The following ZBTB48 variants were observed in gnomAD, a reference collection of about 807,000 sequenced individuals.
ZBTB48 encodes the protein zinc finger and BTB domain containing 48.
ZBTB48 carries 35 observed loss-of-function variants against 64.5 expected under a neutral mutation model. The observed-to-expected ratio is 0.54, with a 90% confidence interval of 0.41 to 0.72. The LOEUF (loss-of-function observed/expected upper bound fraction) is 0.72. ZBTB48 is among the 30% of genes least tolerant of loss of function. The pLI, the probability that ZBTB48 is intolerant of heterozygous loss-of-function variation, is 0.00. For synonymous variants in ZBTB48, 442 were observed against 356.7 expected (o/e 1.24, Z -2.70); for missense variants, 828 against 895.3 (o/e 0.92, Z 0.96).
intron 4 of ZBTB48, 58 bp downstream of exon 4, chr1:6,586,088 G>A (rs1266189335): frequency 9.0e-6 from 14 of 1,558,542 alleles, no homozygotes; most frequent in Admixed American, 3.3e-5. Flanking sequence ...CTCTGTCTTC[G>A]TGCCATCCGG....
intron 4 of ZBTB48, chr1:6,586,367 T>G: frequency 2.0e-6 from 1 of 498,964 alleles, no homozygotes; most frequent in Non-Finnish European, 3.6e-6. Flanking sequence ...GCAACCCCAC[T>G]GCTGGCTTCT....
At position 6,586,018 on chromosome 1, in the gene ZBTB48, C is replaced by A; in HGVS notation, c.1032C>A (p.Asn344Lys). Residue 344 changes from asparagine to lysine, a missense_variant, in exon 4 of 11, where the codon AAC (asparagine) becomes AAA (lysine). Coordinates refer to ENST00000377674, the MANE Select transcript of ZBTB48 (RefSeq NM_005341.4). ...LLEHEARNCM[N>K]RSEQVFTCSV... ...AGCATGAAGCCCGGAATTGCATGAA[C>A]CGCTCGGAACAGGTACTTGGGAGCT... The A allele has an allele frequency of 6.2e-7, 1 of 1,614,126 alleles. No individual in the cohort carries two copies. Among genetic ancestry groups the A allele is most frequent in the Non-Finnish European group, 8.5e-7 (1 of 1,179,970 alleles).
At position 6,588,965 on chromosome 1, in the gene ZBTB48, A is replaced by G. The variant is rs142731298; in HGVS notation, c.1820A>G (p.Asn607Ser). The G allele has an allele frequency of 1.0e-5, 16 of 1,603,894 alleles. No homozygotes were observed. In the Middle Eastern group the frequency reaches 5.0e-4, roughly 50 times the overall value. The part of the protein sequence containing the change: ...MEIHDRVENY[N>S]PRQRKLRNLI... ...ATCCACGACCGGGTAGAGAACTACA[A>G]CCCGCGGCAGCGCAAGCTCCGCAAC... is the stretch of plus-strand genomic sequence containing the variant. The change falls in exon 11 of 11, where the codon AAC (asparagine) becomes AGC (serine). Residue 607 changes from asparagine to serine, a missense_variant. Transcript: ENST00000377674.
intron 2 of ZBTB48, 82 bp from the exon 3 acceptor site, chr1:6,581,976 G>A (rs1015657163): frequency 2.5e-5 from 39 of 1,577,624 alleles, no homozygotes; most frequent in Non-Finnish European, 3.1e-5. Context: ...TGGGGCTTGG[G>A]ATGGAACTGG....
rs375046910 is a variant in ZBTB48, at chr1:6,588,910, C to T, written c.1771-6C>T. ...CCCAAAGTTCTGAGCTCACCCTCCC[C>T]GCCAGGCCCACCTGCGGAGGCACAT... On this transcript the variant is annotated splice_polypyrimidine_tract_variant and splice_region_variant and intron_variant, in intron 10 of 10. Coordinates refer to ENST00000377674, the MANE Select transcript of ZBTB48 (RefSeq NM_005341.4). 6.5e-5 allele frequency: 105 copies of T among 1,613,456 alleles called. No homozygotes were observed. Among genetic ancestry groups the T allele is most frequent in the South Asian group, 5.3e-4 (48 of 91,078 alleles).
At position 6,580,996 on chromosome 1, in the gene ZBTB48, G is replaced by A; in HGVS notation, c.387G>A (p.Gly129=). 6.2e-7 allele frequency: 1 copy of A among 1,613,538 alleles called. No homozygotes were observed. The highest frequency in any genetic ancestry group is 8.5e-7 in the Non-Finnish European group (1 of 1,180,024). Reference sequence around the variant, plus strand: ...GACAGGCAGCAGGTGGCCAGAGTGGGCTGGGGCCCCCTGCCTCCCAGAATG... The same window carrying A: ...GACAGGCAGCAGGTGGCCAGAGTGGACTGGGGCCCCCTGCCTCCCAGAATG... The part of the protein sequence containing the change: ...SVGQAAGGQS[G]LGPPASQNVN... The change falls in exon 2 of 11, where the codon GGG becomes GGA. Residue 129 remains glycine (G), a synonymous_variant. Transcript: ENST00000377674. The surrounding 1 kb of genome is among the most constrained non-coding windows in gnomAD (Gnocchi z 5.2).
chr1:6,589,103 C>T lies in ZBTB48; in HGVS notation c.1958C>T (p.Ser653Phe). 6.2e-7 allele frequency: 1 copy of T among 1,608,212 alleles called. No homozygotes were observed. The highest frequency in any genetic ancestry group is 2.2e-5 in the East Asian group (1 of 44,860). Residue 653 changes from serine (S) to phenylalanine (F), a missense_variant, in exon 11 of 11, where the codon TCC (serine) becomes TTC (phenylalanine). By Grantham distance (155) the Ser-to-Phe change is radical (BLOSUM62 -2). Transcript: ENST00000377674. Reference protein sequence around the residue: ...VESLAQGGLASQLPGQRLCAE... With the variant: ...VESLAQGGLAFQLPGQRLCAE... ...TCCCTGGCCCAGGGCGGCCTGGCCT[C>T]CCAGCTCCCCGGCCAGAGACTGTGT...
chr1:6,588,474 T>A (rs1278165731), intron 9 of ZBTB48, 32 bp downstream of exon 9: 1 of 1,479,958 alleles, frequency 6.8e-7, no homozygotes, highest in East Asian at 2.4e-5. Flanking sequence ...AGCCATTTCC[T>A]GCTCATCCGA....
rs900412856 is a variant in ZBTB48, at chr1:6,589,210, T to C, written c.2065T>C (p.Ter689GlnextTer?). Reference sequence around the variant, plus strand: ...TGCTGTCCCCGAGGACTGTGACACATAGCCCATTCTGGCCACCAGAGCCCA... The same window carrying C: ...TGCTGTCCCCGAGGACTGTGACACACAGCCCATTCTGGCCACCAGAGCCCA... ...TAAVPEDCDT[*>Q] Residue 689 changes from the stop codon to glutamine, a stop_lost, in exon 11 of 11, where the codon TAG (stop) becomes CAG (glutamine). Coordinates refer to ENST00000377674, the MANE Select transcript of ZBTB48 (RefSeq NM_005341.4). The C allele has an allele frequency of 1.3e-6, 2 of 1,505,332 alleles. No homozygotes were observed. Among genetic ancestry groups the C allele is most frequent in the Non-Finnish European group, 1.8e-6 (2 of 1,130,936 alleles). The allele number at this position is 1,505,332 out of a possible 1,614,324, so 93.2% of individuals were successfully genotyped here.
chr1:6,585,506 TC>T, intron 3 of ZBTB48: 1 of 198,424 alleles, frequency 5.0e-6, no homozygotes, highest in Non-Finnish European at 1.1e-5. Flanking sequence ...GATGGGCAGC[TC>T]CCCTGGCTAC....
intron 3 of ZBTB48, among the ~76,000 whole-genome samples, chr1:6,583,776 C>CTT (rs36102416): frequency 2.3e-5 from 2 of 85,856 alleles, no homozygotes; most frequent in Admixed American, 1.3e-4. Context: ...AATTGTTTTA[C>CTT]TTTTTTTTTT....
At position 6,580,525 on chromosome 1, in the gene ZBTB48, T is replaced by A; in HGVS notation, c.-69-16T>A. On this transcript the variant is annotated splice_polypyrimidine_tract_variant and intron_variant, in intron 1 of 10. Transcript: ENST00000377674. This position sits in a 1 kb window ranked among gnomAD's most constrained non-coding sequence, Gnocchi z 5.2. The stretch of plus-strand genomic sequence containing the variant: ...TGAGTAGAGGCCAACTTCCCGTTTC[T>A]CTCTCTTGACTCCAGGAGCTTTCTC... 1 of 1,420,540 alleles carries A rather than the reference T, an allele frequency of 7.0e-7. No homozygotes were observed. The highest frequency in any genetic ancestry group is 9.5e-7 in the Non-Finnish European group (1 of 1,047,652). 88.0% of individuals were successfully genotyped at this position (1,420,540 alleles called of 1,614,324 possible). A position where few individuals can be genotyped will look rare whatever the true frequency, so the allele number is the denominator to read the frequency against.
Position 6,584,443 on chromosome 1 carries a change from C to T in ZBTB48, c.933-1476C>T, listed in dbSNP as rs1321129663. On this transcript the variant is annotated intron_variant, in intron 3 of 10. Coordinates refer to ENST00000377674, the MANE Select transcript of ZBTB48 (RefSeq NM_005341.4). This position sits in a 1 kb window ranked among gnomAD's most constrained non-coding sequence, Gnocchi z 4.5. ...CCCAGTGGCATGCCTTCCAGTCCTGCCACTCCCAGCCAAGACATCACTAGT... is the reference window on the plus strand; with the variant it reads ...CCCAGTGGCATGCCTTCCAGTCCTGTCACTCCCAGCCAAGACATCACTAGT... Among the ~76,000 whole-genome samples, 1 of 152,170 alleles carries T rather than the reference C, an allele frequency of 6.6e-6. No individual in the cohort carries two copies.
intron 3 of ZBTB48, among the ~76,000 whole-genome samples, chr1:6,582,977 G>A (rs1360702340): frequency 6.9e-6 from 1 of 144,408 alleles, no homozygotes; most frequent in Non-Finnish European, 1.5e-5. Flanking sequence ...GCCCCCAGGG[G>A]CTATTTTATG....
chr1:6,581,435 G>C, intron 2 of ZBTB48, 136 bp downstream of exon 2: 1 of 985,310 alleles, frequency 1.0e-6, no homozygotes, highest in African/African-American at 1.6e-5. Context: ...GCCAAGGGGG[G>C]TGGATCACTT....
At chr1:6,587,096 A>G in intron 5 of ZBTB48, 109 bp from the exon 6 acceptor site, 2 of 1,228,244 alleles carry the variant, frequency 1.6e-6, no homozygotes, top group Non-Finnish European at 2.4e-6. Context: ...TCCTCCCAGA[A>G]TCATCTCACC....
rs200314477 is a variant in ZBTB48 at position 6,584,438 on chromosome 1, T to C, written c.933-1481T>C. On this transcript the variant is annotated intron_variant, in intron 3 of 10. Coordinates refer to ENST00000377674, the MANE Select transcript of ZBTB48 (RefSeq NM_005341.4). The surrounding 1 kb of genome is among the most constrained non-coding windows in gnomAD (Gnocchi z 4.5). ...GGCGGCCCAGTGGCATGCCTTCCAGTCCTGCCACTCCCAGCCAAGACATCA... is the reference window on the plus strand; with the variant it reads ...GGCGGCCCAGTGGCATGCCTTCCAGCCCTGCCACTCCCAGCCAAGACATCA... 1.3e-5 allele frequency among the ~76,000 whole-genome samples: 2 copies of C among 152,134 alleles called. No individual in the cohort carries two copies. Among genetic ancestry groups the C allele is most frequent in the South Asian group, 2.1e-4 (1 of 4,828 alleles).
chr1:6,586,625 C>T (rs1205672969), intron 4 of ZBTB48, 70 bp from the exon 5 acceptor site: 21 of 1,458,202 alleles, frequency 1.4e-5, no homozygotes, highest in South Asian at 2.9e-5. Context: ...AGCGGAAGCC[C>T]GGGCAGAGGC....
Position 6,584,786 on chromosome 1 carries a change from T to C in ZBTB48, c.933-1133T>C, listed in dbSNP as rs1240477745. Reference sequence around the variant, plus strand: ...AAGTCATTTTGATGGGGGATGAAGATAGTTGCTGTAGAGGAAGAGGATGAG... The same window carrying C: ...AAGTCATTTTGATGGGGGATGAAGACAGTTGCTGTAGAGGAAGAGGATGAG... On this transcript the variant is annotated intron_variant, in intron 3 of 10. Coordinates refer to ENST00000377674, the MANE Select transcript of ZBTB48 (RefSeq NM_005341.4). This position sits in a 1 kb window ranked among gnomAD's most constrained non-coding sequence, Gnocchi z 4.5. Among the ~76,000 whole-genome samples the C allele has an allele frequency of 1.3e-5, 2 of 152,100 alleles. No individual in the cohort carries two copies. Among genetic ancestry groups the C allele is most frequent in the East Asian group, 1.9e-4 (1 of 5,194 alleles).
Sources: gnomAD v4.1 joint callset for allele counts (sites outside exome capture counted in the v4.1 genomes callset) on GRCh38, gnomAD v4.1.1 for gene constraint, Gnocchi (gnomAD v3.1) non-coding constraint, MANE v1.5 for transcripts, NCBI Gene and HGNC (gene_info 2026-07-23, HGNC 2026-07-21) for gene names.